Variants in CLUH observed in about 807,000 individuals in gnomAD.
The protein encoded by CLUH is CLUH binding protein of NUMT mRNA.
Under a neutral mutation model 139.3 loss-of-function variants are expected in CLUH, and 77 were observed. The ratio of observed to expected loss-of-function variants is 0.55; its 90% CI spans 0.46 to 0.67. The LOEUF (loss-of-function observed/expected upper bound fraction) is 0.67, where lower values mean the gene tolerates loss of function less well. CLUH is among the 30% of genes least tolerant of loss of function. The pLI, the probability that CLUH is intolerant of heterozygous loss-of-function variation, is 0.00. For missense variants in CLUH, 1,876 were observed against 1,875.8 expected, an observed-to-expected ratio of 1.00 and a Z score of 0.00; for synonymous variants, 999 against 801.6, an observed-to-expected ratio of 1.25 and a Z score of -4.16.
chr17:2,708,932 C>T (rs2070433182), intron 1 of CLUH, among the ~76,000 whole-genome samples: 2 of 152,014 alleles, frequency 1.3e-5, no homozygotes. Context: ...CCAATACTCC[C>T]TCCTCTCATA....
chr17:2,708,869 G>T (rs541330015), intron 1 of CLUH, among the ~76,000 whole-genome samples: 10 of 98,700 alleles, frequency 1.0e-4, no homozygotes, highest in Admixed American at 2.5e-4. Flanking sequence ...TCGGGGGGGG[G>T]GGAGCAGAAC....
intron 16 of CLUH, 35 bp downstream of exon 16, chr17:2,694,822 T>TCCCCCC: frequency 6.7e-6 from 9 of 1,346,312 alleles, no homozygotes; most frequent in South Asian, 1.5e-5. Flanking sequence ...ATCTGCCCAA[T>TCCCCCC]CCCACCCACC....
In CLUH at chr17:2,704,484, C is replaced by T; in HGVS notation, c.181G>A (p.Glu61Lys). The T allele has an allele frequency of 6.3e-7, 1 of 1,595,350 alleles. No individual in the cohort carries two copies. The highest frequency in any genetic ancestry group is 8.5e-7 in the Non-Finnish European group (1 of 1,171,468). Residue 61 changes from glutamate (E) to lysine (K), a missense_variant, in exon 2 of 26, where the codon GAA becomes AAA. Physicochemically the swap from Glu to Lys is moderately conservative, Grantham distance 56. Transcript: ENST00000651024. This position sits in a 1 kb window ranked among gnomAD's most constrained non-coding sequence, Gnocchi z 5.7. ...GGGCCGGCCTCGTCAAGCCCATTTT[C>T]CCTGGGTGGCTCGGCCGCCGCCGCC... is the stretch of plus-strand genomic sequence containing the variant. The part of the protein sequence containing the change: ...KEAAAAEPPR[E>K]NGLDEAGPGD...
rs1445093973 is a variant in CLUH at position 2,703,400 on chromosome 17, C to A, written c.393G>T (p.Leu131=). The change falls in exon 3 of 26, where the codon CTG becomes CTT. Residue 131 remains leucine, a synonymous_variant. Coordinates refer to ENST00000651024, the MANE Select transcript of CLUH (RefSeq NM_001366661.1). This position sits in a 1 kb window ranked among gnomAD's most constrained non-coding sequence, Gnocchi z 4.2. ...TCHRTCFSLH[L]DGNVLDHFSE... Reference sequence around the variant, plus strand: ...AGAAGTGGTCCAGCACGTTGCCATCCAGGTGCAGTGAGAAGCAGGTGCGGT... The same window carrying A: ...AGAAGTGGTCCAGCACGTTGCCATCAAGGTGCAGTGAGAAGCAGGTGCGGT... The A allele has an allele frequency of 6.2e-7, 1 of 1,613,550 alleles. No homozygotes were observed. The highest frequency in any genetic ancestry group is 8.5e-7 in the Non-Finnish European group (1 of 1,179,846).
chr17:2,704,840 A>G lies in CLUH; in HGVS notation c.101-276T>C, dbSNP rs1037056967. Among the ~76,000 whole-genome samples, 2 of 152,012 alleles carry G rather than the reference A, an allele frequency of 1.3e-5. No individual in the cohort carries two copies. The highest frequency in any genetic ancestry group is 1.5e-5 in the Non-Finnish European group (1 of 67,964). On this transcript the variant is annotated intron_variant, in intron 1 of 25. Coordinates refer to ENST00000651024, the MANE Select transcript of CLUH (RefSeq NM_001366661.1). This position sits in a 1 kb window ranked among gnomAD's most constrained non-coding sequence, Gnocchi z 5.7. ...CCCAGGGTCACCAAAGCCACCCTTC[A>G]AGCCAAGCCCGAGGGTCTCCTCCGG...
chr17:2,694,829 C>A, intron 16 of CLUH, 28 bp downstream of exon 16: 3 of 1,459,568 alleles, frequency 2.1e-6, no homozygotes, highest in South Asian at 1.4e-5. Flanking sequence ...CAATCCCACC[C>A]ACCCCACCGC....
At chr17:2,699,439 ACTCCAGC>A (rs1214230078) in intron 9 of CLUH, among the ~76,000 whole-genome samples, 1 of 151,706 alleles carries the variant, frequency 6.6e-6, no homozygotes, top group Non-Finnish European at 1.5e-5. Context: ...CCATCCTCCC[ACTCCAGC>A]CTCCCGAGTA....
At position 2,695,044 on chromosome 17, in the gene CLUH, T is replaced by C; in HGVS notation, c.2665A>G (p.Ser889Gly). The change falls in exon 16 of 26, where the codon AGC becomes GGC. Residue 889 changes from serine to glycine, a missense_variant. This residue lies in a region of CLUH where 1,454 missense variants were observed against 1,384.4 expected (regional missense o/e 1.05). Coordinates refer to ENST00000651024, the MANE Select transcript of CLUH (RefSeq NM_001366661.1). ...AISHFLNCFL[S>G]SYPNPVAHLP... The stretch of plus-strand genomic sequence containing the variant: ...TGGGCCACGGGGTTTGGGTAGGAGC[T>C]CAGGAAGCAGTTCAGGAAGTGGCTG... 1.9e-6 allele frequency: 3 copies of C among 1,613,368 alleles called. No homozygotes were observed. The highest frequency in any genetic ancestry group is 2.5e-6 in the Non-Finnish European group (3 of 1,179,704).
intron 23 of CLUH, 31 bp downstream of exon 23, chr17:2,691,967 GCCCCGC>G (rs1555529479): frequency 3.3e-5 from 24 of 728,660 alleles, no homozygotes; most frequent in Admixed American, 6.2e-5. Context: ...CCACGCCCCC[GCCCCGC>G]CCCCGCCCCC....
chr17:2,697,074 C>T (rs538363559), intron 10 of CLUH, 132 bp from the exon 11 acceptor site: 445 of 691,966 alleles, frequency 6.4e-4, no homozygotes, highest in Middle Eastern at 3.8e-3. Flanking sequence ...GTGCATGAGT[C>T]AACGCAGAAA....
intron 11 of CLUH, 65 bp downstream of exon 11, chr17:2,696,654 G>C: frequency 6.3e-7 from 1 of 1,579,986 alleles, no homozygotes; most frequent in Non-Finnish European, 8.6e-7. Flanking sequence ...CTCCCAGGTG[G>C]GGGTCATAAG....
At chr17:2,696,337 C>G (rs752376412) in intron 12 of CLUH, 78 bp from the exon 13 acceptor site, 58 of 1,504,026 alleles carry the variant, frequency 3.9e-5, no homozygotes, top group Non-Finnish European at 5.0e-5. Flanking sequence ...GGGAAGCGCT[C>G]AGATGGGGGA....
At chr17:2,708,548 C>A in intron 1 of CLUH, among the ~76,000 whole-genome samples, 1 of 151,908 alleles carries the variant, frequency 6.6e-6, no homozygotes, top group East Asian at 1.9e-4. Flanking sequence ...CCCAAGGTCA[C>A]AGAGGCAAGA....
Position 2,704,711 on chromosome 17 carries a change from G to A in CLUH, c.101-147C>T, listed in dbSNP as rs1233702972. ...GCCTCACGGTCGCGCCTCGCCCTCC[G>A]TGCACCTGCAGGCCACTTCCACACC... On this transcript the variant is annotated intron_variant, in intron 1 of 25. Transcript: ENST00000651024. This position sits in a 1 kb window ranked among gnomAD's most constrained non-coding sequence, Gnocchi z 5.7. 4 of 757,526 alleles carry A rather than the reference G, an allele frequency of 5.3e-6. No individual in the cohort carries two copies. The highest frequency in any genetic ancestry group is 3.7e-5 in the South Asian group (2 of 54,724). The allele number at this position is 757,526 out of a possible 1,614,324, so 46.9% of individuals were successfully genotyped here.
At chr17:2,691,925 CCCCGTGCCCCCGCG>C (rs765291413) in intron 23 of CLUH, 30 bp from the exon 24 acceptor site, 149,509 of 1,446,866 alleles carry the variant, frequency 0.1, 10,353 homozygotes, top group South Asian at 0.24. Flanking sequence ...GATCAGGCCC[CCCCGTGCCCCCGCG>C]GCCCCGCCCC....
rs994713642 is a variant in CLUH at position 2,692,417 on chromosome 17, G to C, written c.3504C>G (p.Asn1168Lys). 1 of 1,599,650 alleles carries C rather than the reference G, an allele frequency of 6.3e-7. No individual in the cohort carries two copies. Among genetic ancestry groups the C allele is most frequent in the Non-Finnish European group, 8.5e-7 (1 of 1,179,352 alleles). Residue 1168 changes from asparagine to lysine, a missense_variant, in exon 22 of 26, where the codon AAC (asparagine) becomes AAG (lysine). Coordinates refer to ENST00000651024, the MANE Select transcript of CLUH (RefSeq NM_001366661.1). ...EYDLSLRFLE[N>K]ALAVSTKYHG... ...GGTACTTGGTGCTGACGGCCAGCGC[G>C]TTCTCCAGGAAGCGCAGCGACAGGT...
chr17:2,695,374 A>T lies in CLUH; in HGVS notation c.2544T>A (p.Phe848Leu). Residue 848 changes from phenylalanine to leucine, a missense_variant and splice_region_variant, in exon 14 of 26, where the codon TTT becomes TTA. Physicochemically the swap from Phe to Leu is conservative, Grantham distance 22. Around this residue, in one of 3 missense-constraint regions of CLUH, gnomAD observed 1,454 missense variants for 1,384.4 expected, o/e 1.05. Transcript: ENST00000651024. ...CCGCCCCACCCCGGGCAGCACTCAC[A>T]AAGACGTGGTCCAGCTGGTGGCGGG... Reference protein sequence around the residue: ...SPARHQLDHVFKIGIGELITR... With the variant: ...SPARHQLDHVLKIGIGELITR... 1.9e-6 allele frequency: 3 copies of T among 1,612,906 alleles called. No homozygotes were observed. The highest frequency in any genetic ancestry group is 2.5e-6 in the Non-Finnish European group (3 of 1,179,700).
chr17:2,694,822 T>TTC, intron 16 of CLUH, 35 bp downstream of exon 16: 185 of 1,346,202 alleles, frequency 1.4e-4, no homozygotes, highest in Non-Finnish European at 1.7e-4. Flanking sequence ...ATCTGCCCAA[T>TTC]CCCACCCACC....
rs781086429 is a variant in CLUH, at chr17:2,706,874, C to T, written c.101-2310G>A. Among the ~76,000 whole-genome samples, 2 of 152,216 alleles carry T rather than the reference C, an allele frequency of 1.3e-5. No individual in the cohort carries two copies. The highest frequency in any genetic ancestry group is 2.9e-5 in the Non-Finnish European group (2 of 68,038). On this transcript the variant is annotated intron_variant, in intron 1 of 25. Transcript: ENST00000651024. The surrounding 1 kb of genome is among the most constrained non-coding windows in gnomAD (Gnocchi z 4.6). ...GGGGAGTCAAATACCTAGACAGAGACAGCCTGTGTTCTTTCGCATGTCTGG... is the reference window on the plus strand; with the variant it reads ...GGGGAGTCAAATACCTAGACAGAGATAGCCTGTGTTCTTTCGCATGTCTGG...
Sources: gnomAD v4.1 joint callset for allele counts (sites outside exome capture counted in the v4.1 genomes callset) on GRCh38, gnomAD v4.1.1 for gene constraint, gnomAD v4.1.1 regional missense constraint, Gnocchi (gnomAD v3.1) non-coding constraint, MANE v1.5 for transcripts, NCBI Gene and HGNC (gene_info 2026-07-23, HGNC 2026-07-21) for gene names.